The following CFAP299 variants were observed in gnomAD, a reference collection of about 807,000 sequenced individuals.
The protein encoded by CFAP299 is cilia- and flagella-associated protein 299.
A neutral mutation model predicts 27.0 loss-of-function variants in CFAP299; 21 were observed. The ratio of observed to expected loss-of-function variants is 0.78; its 90% CI spans 0.55 to 1.12. The LOEUF is 1.12. Ranked by LOEUF, CFAP299 falls within the 50% of genes most tolerant of loss-of-function variation. The pLI, the probability that CFAP299 is intolerant of heterozygous loss-of-function variation, is 0.00. For missense variants in CFAP299, 310 were observed against 276.6 expected (o/e 1.12, Z -0.86); for synonymous variants, 104 against 98.1 (o/e 1.06, Z -0.36).
chr4:80,436,045 A>G (rs537340308), intron 2 of CFAP299, among the ~76,000 whole-genome samples: 8 of 152,272 alleles, frequency 5.3e-5, no homozygotes, highest in African/African-American at 1.9e-4. Flanking sequence ...GGTGACAAAT[A>G]TGCTCCATGT....
chr4:80,471,295 C>T (rs1729979641), intron 2 of CFAP299, among the ~76,000 whole-genome samples: 1 of 151,822 alleles, frequency 6.6e-6, no homozygotes, highest in Admixed American at 6.6e-5. Flanking sequence ...CAAATAACAA[C>T]TACCAAAAAG....
chr4:80,647,822 C>G (rs1159061532), intron 3 of CFAP299, among the ~76,000 whole-genome samples: 1 of 152,144 alleles, frequency 6.6e-6, no homozygotes, highest in Non-Finnish European at 1.5e-5. Flanking sequence ...GCCTGTACTC[C>G]CAGCACTTTG....
chr4:80,605,603 C>T (rs1737617264), intron 3 of CFAP299, among the ~76,000 whole-genome samples: 1 of 152,098 alleles, frequency 6.6e-6, no homozygotes, highest in African/African-American at 2.4e-5. Context: ...CATTCTGGCT[C>T]TAAATAACCT....
chr4:80,901,706 T>C (rs1299056076), intron 4 of CFAP299, among the ~76,000 whole-genome samples: 1 of 152,120 alleles, frequency 6.6e-6, no homozygotes, highest in Non-Finnish European at 1.5e-5. Context: ...TGCTTTATCC[T>C]TTGGCCCCAA....
At chr4:80,322,018 G>A in the CFAP299 span, among the ~76,000 whole-genome samples, 2 of 152,126 alleles carry the variant, frequency 1.3e-5, no homozygotes, top group South Asian at 2.1e-4. Flanking sequence ...CAAGGAGATG[G>A]GGAAGTGCAG....
At chr4:80,567,731 T>TATATATATATATATATATATA in intron 2 of CFAP299, among the ~76,000 whole-genome samples, 1 of 148,784 alleles carries the variant, frequency 6.7e-6, no homozygotes, top group African/African-American at 2.5e-5. Flanking sequence ...TCTAATGTAT[T>TATATATATATATATATATATA]TATATATATA....
chr4:80,690,758 G>C (rs1464313370), intron 3 of CFAP299, among the ~76,000 whole-genome samples: 2 of 151,704 alleles, frequency 1.3e-5, no homozygotes, highest in Non-Finnish European at 2.9e-5. Flanking sequence ...TCCAGGAGCT[G>C]GTTTTTTGAA....
chr4:80,903,482 A>T (rs1224196881), intron 4 of CFAP299, among the ~76,000 whole-genome samples: 2 of 152,074 alleles, frequency 1.3e-5, no homozygotes, highest in East Asian at 3.8e-4. Flanking sequence ...CCTCTATTGA[A>T]GACAATCCAG....
intron 3 of CFAP299, among the ~76,000 whole-genome samples, chr4:80,710,966 G>A (rs563657515): frequency 1.3e-5 from 2 of 152,224 alleles, no homozygotes; most frequent in South Asian, 2.1e-4. Context: ...GTGACTCAGC[G>A]AGTTTAGAGC....
At chr4:80,682,328 T>C (rs998354991) in intron 3 of CFAP299, among the ~76,000 whole-genome samples, 4 of 152,180 alleles carry the variant, frequency 2.6e-5, no homozygotes, top group Non-Finnish European at 4.4e-5. Flanking sequence ...GTGATCTGTT[T>C]TGTTTACTTT....
At chr4:80,393,823 A>T (rs528907173) in intron 2 of CFAP299, among the ~76,000 whole-genome samples, 150 of 152,174 alleles carry the variant, frequency 9.9e-4, no homozygotes, top group African/African-American at 3.4e-3. Flanking sequence ...TTGTATGTTG[A>T]TATGGTTTGG....
At chr4:80,928,694 T>C (rs1736427782) in intron 4 of CFAP299, among the ~76,000 whole-genome samples, 1 of 152,130 alleles carries the variant, frequency 6.6e-6, no homozygotes, top group African/African-American at 2.4e-5. Flanking sequence ...TTTAATCTTA[T>C]AATTCCAGTA....
At chr4:80,843,587 A>G (rs554939620) in intron 3 of CFAP299, among the ~76,000 whole-genome samples, 2 of 152,216 alleles carry the variant, frequency 1.3e-5, no homozygotes, top group East Asian at 1.9e-4. Context: ...TCCTTTGGGT[A>G]TATACCCAGT....
At chr4:80,613,804 T>C (rs539488563) in intron 3 of CFAP299, among the ~76,000 whole-genome samples, 4 of 152,332 alleles carry the variant, frequency 2.6e-5, no homozygotes, top group African/African-American at 7.2e-5. Flanking sequence ...TACAACTGAC[T>C]GTATTTCACA....
At chr4:80,374,386 A>T (rs1473343861) in intron 2 of CFAP299, among the ~76,000 whole-genome samples, 1 of 152,078 alleles carries the variant, frequency 6.6e-6, no homozygotes, top group Non-Finnish European at 1.5e-5. Context: ...TGTAACTCTG[A>T]TAAGGGAACT....
At chr4:80,923,952 A>C (rs1280867730) in intron 4 of CFAP299, among the ~76,000 whole-genome samples, 1 of 152,020 alleles carries the variant, frequency 6.6e-6, no homozygotes, top group Non-Finnish European at 1.5e-5. Flanking sequence ...AGTCTTTTTC[A>C]GATGAAATGA....
chr4:80,454,553 G>A (rs992490192), intron 2 of CFAP299, among the ~76,000 whole-genome samples: 2 of 152,212 alleles, frequency 1.3e-5, no homozygotes, highest in Non-Finnish European at 2.9e-5. Flanking sequence ...ATATAATTAG[G>A]TTCTCATTGC....
At chr4:80,534,821 G>A (rs557058610) in intron 2 of CFAP299, among the ~76,000 whole-genome samples, 114 of 152,198 alleles carry the variant, frequency 7.5e-4, no homozygotes, top group African/African-American at 2.6e-3. Context: ...AATTTACAGA[G>A]TGTAAATGAA....
Position 80,475,099 on chromosome 4 carries a change from G to T in CFAP299, c.243-107994G>T, listed in dbSNP as rs538048739. 5.9e-5 allele frequency among the ~76,000 whole-genome samples: 9 copies of T among 152,266 alleles called. No individual in the cohort carries two copies. The East Asian group carries it at 7.7e-4, about 13-fold the overall frequency. On this transcript the variant is annotated intron_variant, in intron 2 of 5. Coordinates refer to ENST00000358105, the MANE Select transcript of CFAP299 (RefSeq NM_152770.3). ...GGGAGTAAGTGTGGCCTGTTGGGGG[G>T]TAGTGAGAAGGCCATGTGGCTCGGG...
Sources: gnomAD v4.1 joint callset for allele counts (sites outside exome capture counted in the v4.1 genomes callset) on GRCh38, gnomAD v4.1.1 for gene constraint, MANE v1.5 for transcripts, NCBI Gene and HGNC (gene_info 2026-07-23, HGNC 2026-07-21) for gene names.